The following GNPTAB variants were observed in gnomAD, a reference collection of about 807,000 sequenced individuals.
GNPTAB encodes the protein N-acetylglucosamine-1-phosphate transferase subunits alpha and beta.
Under a neutral mutation model 136.6 loss-of-function variants are expected in GNPTAB, and 92 were observed. That is an observed-to-expected ratio of 0.67 (90% CI 0.57 to 0.80). The LOEUF is 0.80. GNPTAB is among the 30% of genes least tolerant of loss of function. The probability of loss-of-function intolerance (pLI) is 0.00; values close to 1 mark genes in which losing one functional copy is unlikely to be tolerated. For synonymous variants in GNPTAB, 512 were observed against 535.1 expected (o/e 0.96, Z 0.60); for missense variants, 1,343 against 1,501.8 (o/e 0.89, Z 1.75).
intron 2 of GNPTAB, chr12:101,796,266 G>A (rs1403683665): frequency 2.8e-6 from 2 of 702,258 alleles, no homozygotes; most frequent in Admixed American, 2.0e-5. Flanking sequence ...CACAGACCTG[G>A]GGAGACAGAA....
chr12:101,830,472 A>C lies in GNPTAB; in HGVS notation c.117+87T>G, dbSNP rs557816176. 6.6e-6 allele frequency: 5 copies of C among 758,250 alleles called. No individual in the cohort carries two copies. The East Asian group carries it at 1.4e-4, about 21-fold the overall frequency. 47.0% of individuals were successfully genotyped at this position (758,250 alleles called of 1,614,324 possible). On this transcript the variant is annotated intron_variant, in intron 1 of 20. Transcript: ENST00000299314. ...AAACCCCGTCTCTAATAATGAAAAA[A>C]TACATACTGTATCGGGGCATCGCGG...
rs1269178716 is a variant in GNPTAB at position 101,753,682 on chromosome 12, A to G, written c.3435-143T>C. On this transcript the variant is annotated intron_variant, in intron 18 of 20. Transcript: ENST00000299314. ...GCTGATATGATTCTCTGGGGGAATG[A>G]TATTCTATAAAATTTTTCTTTAGAT... 4.1e-6 allele frequency: 3 copies of G among 725,002 alleles called. No individual in the cohort carries two copies. The Admixed American group carries it at 7.3e-5, about 18-fold the overall frequency. 44.9% of individuals were successfully genotyped at this position (725,002 alleles called of 1,614,324 possible).
intron 13 of GNPTAB, 129 bp from the exon 14 acceptor site, chr12:101,761,892 G>A: frequency 2.7e-6 from 2 of 739,928 alleles, no homozygotes; most frequent in East Asian, 2.6e-5. Context: ...TGAAATACAT[G>A]TTAACGGGTC....
intron 18 of GNPTAB, 146 bp downstream of exon 18, chr12:101,757,066 A>G (rs1952911360): frequency 3.3e-6 from 2 of 601,140 alleles, no homozygotes. Context: ...TGCAACTCCT[A>G]TCTCTCACTC....
At chr12:101,749,584 T>G (rs1952786359) in intron 19 of GNPTAB, among the ~76,000 whole-genome samples, 1 of 152,234 alleles carries the variant, frequency 6.6e-6, no homozygotes, top group African/African-American at 2.4e-5. Context: ...TTTAGAAAAC[T>G]GAGGCGTTGC....
chr12:101,765,886 A>G, intron 12 of GNPTAB: 1 of 535,924 alleles, frequency 1.9e-6, no homozygotes, highest in East Asian at 3.2e-5. Flanking sequence ...AAACAAAACA[A>G]AACACCAGAC....
chr12:101,767,486 T>A (rs1441092339), intron 11 of GNPTAB, among the ~76,000 whole-genome samples: 1 of 152,218 alleles, frequency 6.6e-6, no homozygotes, highest in Non-Finnish European at 1.5e-5. Flanking sequence ...CTTGGATTTA[T>A]ATAAGTGTAT....
intron 7 of GNPTAB, chr12:101,778,387 C>T (rs1185894031): frequency 6.6e-6 from 1 of 152,162 alleles, no homozygotes; most frequent in East Asian, 1.9e-4. Context: ...GTCAAAAGTA[C>T]AGATATACAT....
chr12:101,806,240 T>G (rs73168309), intron 1 of GNPTAB, among the ~76,000 whole-genome samples: 9,398 of 152,294 alleles, frequency 0.062, 375 homozygotes, highest in Middle Eastern at 0.15. Context: ...TGGAACAGGC[T>G]GCTACAATTT....
intron 1 of GNPTAB, among the ~76,000 whole-genome samples, chr12:101,804,715 A>G (rs1869843701): frequency 6.6e-6 from 1 of 152,246 alleles, no homozygotes. Context: ...AAATAGAAAT[A>G]CAGATTTTGG....
intron 1 of GNPTAB, among the ~76,000 whole-genome samples, chr12:101,830,157 C>T (rs1871293583): frequency 6.6e-6 from 1 of 152,182 alleles, no homozygotes; most frequent in Admixed American, 6.5e-5. Flanking sequence ...CTTTAGAAAG[C>T]CAAGAAGGGA....
At position 101,749,083 on chromosome 12, in the gene GNPTAB, A is replaced by G. The variant is rs772393405; in HGVS notation, c.3693+18T>C. The G allele has an allele frequency of 7.3e-7, 1 of 1,365,888 alleles. No homozygotes were observed. Among genetic ancestry groups the G allele is most frequent in the African/African-American group, 1.4e-5 (1 of 69,608 alleles). The allele number at this position is 1,365,888 out of a possible 1,614,324, so 84.6% of individuals were successfully genotyped here. A position where few individuals can be genotyped will look rare whatever the true frequency, so the allele number is the denominator to read the frequency against. The stretch of plus-strand genomic sequence containing the variant: ...AAGAAATACCATTTAATACCCACAT[A>G]AAATATATAAAACTTACCTGCTCAG... On this transcript the variant is annotated intron_variant, in intron 20 of 20. Transcript: ENST00000299314.
chr12:101,791,271 C>T (rs1051377974), intron 2 of GNPTAB, among the ~76,000 whole-genome samples: 4 of 152,152 alleles, frequency 2.6e-5, no homozygotes, highest in African/African-American at 9.7e-5. Context: ...AAAACCTACC[C>T]ATCTTTCAGG....
chr12:101,792,324 A>G (rs1455849659), intron 2 of GNPTAB, among the ~76,000 whole-genome samples: 1 of 152,234 alleles, frequency 6.6e-6, no homozygotes, highest in Non-Finnish European at 1.5e-5. Flanking sequence ...AATGGAAGAG[A>G]ATAGTTGAGA....
At chr12:101,767,516 A>AC (rs1953111749) in intron 11 of GNPTAB, among the ~76,000 whole-genome samples, 1 of 152,194 alleles carries the variant, frequency 6.6e-6, no homozygotes, top group Non-Finnish European at 1.5e-5. Flanking sequence ...TCATATTTTA[A>AC]ATAAGAAGAC....
chr12:101,749,585 G>C (rs1457272365), intron 19 of GNPTAB, among the ~76,000 whole-genome samples: 1 of 152,226 alleles, frequency 6.6e-6, no homozygotes, highest in East Asian at 1.9e-4. Context: ...TTAGAAAACT[G>C]AGGCGTTGCT....
chr12:101,830,381 C>A (rs1594269655), intron 1 of GNPTAB, among the ~76,000 whole-genome samples, 178 bp downstream of exon 1: 1 of 152,180 alleles, frequency 6.6e-6, no homozygotes, highest in South Asian at 2.1e-4. Flanking sequence ...TCCCAGCACT[C>A]GGGGACGCCG....
chr12:101,770,018 C>T lies in GNPTAB; in HGVS notation c.1284+3G>A, dbSNP rs940217963. 13 of 1,613,694 alleles carry T rather than the reference C, an allele frequency of 8.1e-6. No homozygotes were observed. Among genetic ancestry groups the T allele is most frequent in the Non-Finnish European group, 1.1e-5 (13 of 1,179,892 alleles). On this transcript the variant is annotated splice_donor_region_variant and intron_variant, in intron 10 of 20. Transcript: ENST00000299314. ...GACAACCCCCCTCCTCTTAGGCACTCACCTTCTGGCCTTTGGAGTGACTGT... is the reference window on the plus strand; with the variant it reads ...GACAACCCCCCTCCTCTTAGGCACTTACCTTCTGGCCTTTGGAGTGACTGT...
chr12:101,794,758 C>T (rs977941521), intron 2 of GNPTAB, among the ~76,000 whole-genome samples: 10 of 152,004 alleles, frequency 6.6e-5, no homozygotes, highest in Non-Finnish European at 1.5e-4. Flanking sequence ...TTCTAATAAG[C>T]TAGTTTTCTT....
Sources: allele counts gnomAD v4.1 joint callset (sites outside exome capture counted in the v4.1 genomes callset), GRCh38; gene constraint gnomAD v4.1.1; transcripts MANE v1.5; gene names NCBI Gene and HGNC (gene_info 2026-07-23, HGNC 2026-07-21).